Variants in SYT9 observed in about 807,000 individuals in gnomAD.
The protein encoded by SYT9 is synaptotagmin 9, also known as synaptotagmin-9.
In SYT9, 22 loss-of-function variants were observed where a neutral mutation model predicts 48.4. The observed-to-expected ratio is 0.45, with a 90% confidence interval of 0.32 to 0.65. The LOEUF (loss-of-function observed/expected upper bound fraction) is 0.65. SYT9 is among the 30% of genes least tolerant of loss of function. The probability of loss-of-function intolerance (pLI) is 0.03; values close to 1 mark genes in which losing one functional copy is unlikely to be tolerated. For synonymous variants in SYT9, 265 were observed against 245.0 expected (o/e 1.08, Z -0.76); for missense variants, 577 against 622.0 (o/e 0.93, Z 0.77).
intron 6 of SYT9, among the ~76,000 whole-genome samples, chr11:7,451,985 A>C (rs1848061205): frequency 6.6e-6 from 1 of 152,074 alleles, no homozygotes; most frequent in South Asian, 2.1e-4. Flanking sequence ...GATAGCTAGA[A>C]AATTAGTCTG....
intron 6 of SYT9, chr11:7,461,372 TTTTG>T (rs1383122446): frequency 2.6e-5 from 4 of 152,080 alleles, no homozygotes; most frequent in African/African-American, 7.2e-5. Flanking sequence ...TATCTTTGTG[TTTTG>T]TTTGTTTGTT....
At chr11:7,250,104 C>G (rs893821639), upstream of SYT9, among the ~76,000 whole-genome samples, 1 of 152,184 alleles carries the variant, frequency 6.6e-6, no homozygotes, top group African/African-American at 2.4e-5. Flanking sequence ...CCAGTCTTCA[C>G]TCTCTCCTAA....
chr11:7,289,728 T>C (rs76565561), intron 1 of SYT9, among the ~76,000 whole-genome samples: 2,674 of 152,306 alleles, frequency 0.018, 66 homozygotes, highest in African/African-American at 0.062. Flanking sequence ...TGTTGTAATC[T>C]TAAGTATTAT....
chr11:7,446,606 G>T (rs1847934864), intron 6 of SYT9, among the ~76,000 whole-genome samples: 1 of 152,176 alleles, frequency 6.6e-6, no homozygotes, highest in Non-Finnish European at 1.5e-5. Flanking sequence ...TAGGAACGTA[G>T]ATCCTAGCAC....
intron 1 of SYT9, among the ~76,000 whole-genome samples, chr11:7,289,505 A>G (rs1482492083): frequency 6.6e-6 from 1 of 152,210 alleles, no homozygotes; most frequent in Non-Finnish European, 1.5e-5. Flanking sequence ...TACAATTTTT[A>G]AAAACATGAA....
intron 3 of SYT9, among the ~76,000 whole-genome samples, chr11:7,337,877 G>A (rs1004822814): frequency 6.6e-6 from 1 of 152,126 alleles, no homozygotes; most frequent in African/African-American, 2.4e-5. Flanking sequence ...TGGCATCACA[G>A]AATAAGCTGG....
At chr11:7,358,916 T>C (rs1371829442) in intron 3 of SYT9, among the ~76,000 whole-genome samples, 3 of 152,176 alleles carry the variant, frequency 2.0e-5, no homozygotes, top group Non-Finnish European at 2.9e-5. Flanking sequence ...TAATTACATA[T>C]GTATACATGT....
In SYT9 at chr11:7,270,293, G is replaced by T. The variant is rs138155596; in HGVS notation, c.145+17962G>T. Among the ~76,000 whole-genome samples the T allele has an allele frequency of 4.5e-4, 68 of 152,142 alleles. 1 individual carries two copies. The East Asian group carries it at 0.013, about 29-fold the overall frequency. ...CTCTCCCCTCAAGGGCACATTTTAG[G>T]CTCATCTGTTAAATGCAGCTCATAA... On this transcript the variant is annotated intron_variant, in intron 1 of 6. Coordinates refer to ENST00000318881, the MANE Select transcript of SYT9 (RefSeq NM_175733.4).
At chr11:7,445,034 T>G (rs1228308134) in intron 6 of SYT9, among the ~76,000 whole-genome samples, 1 of 152,236 alleles carries the variant, frequency 6.6e-6, no homozygotes, top group African/African-American at 2.4e-5. Flanking sequence ...GGCTTCACTT[T>G]CTGGCTTTGC....
At chr11:7,271,969 A>G (rs1297970093) in intron 1 of SYT9, among the ~76,000 whole-genome samples, 1 of 152,212 alleles carries the variant, frequency 6.6e-6, no homozygotes. Context: ...CTTCATGTAT[A>G]AATTGGACTC....
intron 1 of SYT9, among the ~76,000 whole-genome samples, chr11:7,242,928 C>A (rs1392086768): frequency 6.6e-6 from 1 of 152,086 alleles, no homozygotes; most frequent in Non-Finnish European, 1.5e-5. Flanking sequence ...TGCCTGTAAT[C>A]CCAGCTCCTC....
intron 3 of SYT9, among the ~76,000 whole-genome samples, chr11:7,374,256 CT>C (rs1440573979): frequency 2.6e-5 from 4 of 152,078 alleles, no homozygotes; most frequent in Non-Finnish European, 5.9e-5. Flanking sequence ...TGAACTCATT[CT>C]TTTTTATGGA....
intron 6 of SYT9, among the ~76,000 whole-genome samples, chr11:7,449,767 C>G (rs1848009494): frequency 6.6e-6 from 1 of 152,154 alleles, no homozygotes; most frequent in African/African-American, 2.4e-5. Flanking sequence ...ATCCTCAGAC[C>G]AGCTGTTCTC....
chr11:7,364,134 G>C (rs908905802), intron 3 of SYT9, among the ~76,000 whole-genome samples: 5 of 152,188 alleles, frequency 3.3e-5, no homozygotes, highest in Non-Finnish European at 7.4e-5. Context: ...AGAAAGCTTA[G>C]TGGGGTGGGG....
chr11:7,411,877 C>T (rs1847142089), intron 3 of SYT9, among the ~76,000 whole-genome samples: 5 of 152,158 alleles, frequency 3.3e-5, no homozygotes. Flanking sequence ...CCATAGGTCA[C>T]AAAGCCTTTC....
At chr11:7,267,504 A>C (rs142574498) in intron 1 of SYT9, among the ~76,000 whole-genome samples, 1 of 152,098 alleles carries the variant, frequency 6.6e-6, no homozygotes, top group East Asian at 1.9e-4. Flanking sequence ...ACTCTTTCAG[A>C]GATCTCTTGA....
intron 3 of SYT9, among the ~76,000 whole-genome samples, chr11:7,392,852 T>G (rs1371534631): frequency 6.6e-6 from 1 of 152,122 alleles, no homozygotes; most frequent in Non-Finnish European, 1.5e-5. Context: ...ATTTTTTGTG[T>G]GTGTGTGTAT....
chr11:7,324,628 C>G (rs944761871), intron 3 of SYT9, among the ~76,000 whole-genome samples: 1 of 151,802 alleles, frequency 6.6e-6, no homozygotes, highest in Non-Finnish European at 1.5e-5. Context: ...CTTCTAGCAT[C>G]AAATATGAGT....
At position 7,442,687 on chromosome 11, in the gene SYT9, T is replaced by A. The variant is rs189275120; in HGVS notation, c.1467+22052T>A. 2.0e-3 allele frequency among the ~76,000 whole-genome samples: 304 copies of A among 152,236 alleles called. 8 individuals are homozygous for A. The highest frequency in any genetic ancestry group is 0.019 in the Admixed American group (288 of 15,286). On this transcript the variant is annotated intron_variant, in intron 6 of 6. Transcript: ENST00000318881. ...CAATATCTCCAAATACTCACATGGG[T>A]AATGGGTTCCTTGACCCAATGACAA...
Sources: allele counts gnomAD v4.1 joint callset (sites outside exome capture counted in the v4.1 genomes callset), GRCh38; gene constraint gnomAD v4.1.1; transcripts MANE v1.5; gene names NCBI Gene and HGNC (gene_info 2026-07-23, HGNC 2026-07-21).